Variants in EIPR1 observed in about 807,000 individuals in gnomAD.
EIPR1 encodes the protein EARP complex and GARP complex interacting protein 1, also known as EARP and GARP complex-interacting protein 1.
Under a neutral mutation model 48.1 loss-of-function variants are expected in EIPR1, and 25 were observed. The observed-to-expected ratio is 0.52, with a 90% CI of 0.38 to 0.73. The LOEUF (loss-of-function observed/expected upper bound fraction) is 0.73. Among genes scored for constraint, EIPR1 ranks in the 30% least tolerant of loss-of-function variants. The pLI, the probability that EIPR1 is intolerant of heterozygous loss-of-function variation, is 0.00. For synonymous variants in EIPR1, 204 were observed against 201.9 expected (o/e 1.01, Z -0.09); for missense variants, 415 against 506.2 (o/e 0.82, Z 1.73).
At chr2:3,355,436 G>A (rs1670698680) in intron 1 of EIPR1, among the ~76,000 whole-genome samples, 1 of 152,216 alleles carries the variant, frequency 6.6e-6, no homozygotes, top group South Asian at 2.1e-4. Flanking sequence ...CCTCCTGCCA[G>A]AAGTCAGTCC....
chr2:3,369,866 CAGCTTTGAAGAG>C (rs1671068458), intron 1 of EIPR1, among the ~76,000 whole-genome samples: 2 of 152,174 alleles, frequency 1.3e-5, no homozygotes. Flanking sequence ...CCCTGTCTGA[CAGCTTTGAAGAG>C]AGCAGTGGTT....
chr2:3,257,231 T>G, intron 4 of EIPR1, 68 bp downstream of exon 4: 2 of 1,512,628 alleles, frequency 1.3e-6, no homozygotes, highest in Non-Finnish European at 8.9e-7. Flanking sequence ...CAAAGGAATC[T>G]GCACAAGCTC....
At chr2:3,311,947 C>G (rs1013963705) in intron 3 of EIPR1, among the ~76,000 whole-genome samples, 2 of 152,218 alleles carry the variant, frequency 1.3e-5, no homozygotes, top group Non-Finnish European at 2.9e-5. Flanking sequence ...CTGCGGGAAC[C>G]TGGACCTGGC....
chr2:3,343,327 T>C (rs138371239), intron 2 of EIPR1, among the ~76,000 whole-genome samples: 80 of 152,110 alleles, frequency 5.3e-4, no homozygotes, highest in Non-Finnish European at 9.4e-4. Context: ...TTTTGTTGAA[T>C]AAACATACGC....
chr2:3,355,405 C>T (rs1411450238), intron 1 of EIPR1, among the ~76,000 whole-genome samples: 2 of 152,220 alleles, frequency 1.3e-5, no homozygotes, highest in Non-Finnish European at 2.9e-5. Flanking sequence ...TGGAGCAGGC[C>T]AGTGCTCTTA....
chr2:3,298,538 C>T (rs1481246637), intron 3 of EIPR1: 1 of 151,948 alleles, frequency 6.6e-6, no homozygotes, highest in Admixed American at 6.6e-5. Context: ...CTTACGATCT[C>T]GATGGTGTTG....
intron 1 of EIPR1, among the ~76,000 whole-genome samples, chr2:3,372,109 G>A (rs1334334484): frequency 6.6e-6 from 1 of 151,192 alleles, no homozygotes; most frequent in African/African-American, 2.4e-5. Context: ...CATGGAAACT[G>A]AACAACCTGC....
At chr2:3,295,964 CCT>C (rs1481555778) in intron 3 of EIPR1, among the ~76,000 whole-genome samples, 16 of 124,532 alleles carry the variant, frequency 1.3e-4, no homozygotes, top group Admixed American at 4.0e-4. Flanking sequence ...TCCAGCCCAT[CCT>C]CTCTCTGCAC....
At chr2:3,289,147 G>C (rs140275298) in intron 3 of EIPR1, among the ~76,000 whole-genome samples, 1 of 152,200 alleles carries the variant, frequency 6.6e-6, no homozygotes, top group Non-Finnish European at 1.5e-5. Flanking sequence ...GGAGACAAGC[G>C]AGGATTTGTT....
At position 3,197,930 on chromosome 2, in the gene EIPR1, C is replaced by G. The variant is rs544303376; in HGVS notation, c.517-913G>C. On this transcript the variant is annotated intron_variant, in intron 5 of 8. Transcript: ENST00000382125. ...CAGGCTGAGGGCAGGTCCAAACGAG[C>G]TGCTAGACAGGCCGTGAGAGGCCCA... 1.3e-3 allele frequency among the ~76,000 whole-genome samples: 202 copies of G among 152,326 alleles called. 1 individual carries two copies. Among genetic ancestry groups the G allele is most frequent in the African/African-American group, 4.6e-3 (190 of 41,572 alleles).
At chr2:3,347,164 T>C (rs898280621) in intron 2 of EIPR1, among the ~76,000 whole-genome samples, 2 of 152,136 alleles carry the variant, frequency 1.3e-5, no homozygotes, top group Non-Finnish European at 2.9e-5. Context: ...CCATGCTTCC[T>C]GTATGGCCTG....
intron 2 of EIPR1, among the ~76,000 whole-genome samples, chr2:3,350,225 G>A (rs1239711549): frequency 2.6e-5 from 4 of 151,870 alleles, no homozygotes. Context: ...GACATGGCTG[G>A]AGAGGCCTAA....
chr2:3,249,195 T>A (rs1384373830), intron 4 of EIPR1, among the ~76,000 whole-genome samples: 1 of 152,150 alleles, frequency 6.6e-6, no homozygotes, highest in Admixed American at 6.5e-5. Context: ...TATTGAGTGA[T>A]TGTAGCCAAA....
chr2:3,324,834 AC>A (rs35092148), intron 3 of EIPR1, among the ~76,000 whole-genome samples: 26,303 of 152,096 alleles, frequency 0.17, 2,468 homozygotes, highest in Non-Finnish European at 0.21. Context: ...CGCCTCCAGC[AC>A]CTCGGGGGGA....
At chr2:3,266,899 G>A (rs546239203) in intron 3 of EIPR1, among the ~76,000 whole-genome samples, 98 of 152,360 alleles carry the variant, frequency 6.4e-4, no homozygotes, top group African/African-American at 2.1e-3. Context: ...GCAGAGGCGT[G>A]GCCTCTCTCG....
At chr2:3,300,170 T>G (rs960832251) in intron 3 of EIPR1, among the ~76,000 whole-genome samples, 1 of 152,238 alleles carries the variant, frequency 6.6e-6, no homozygotes, top group Non-Finnish European at 1.5e-5. Flanking sequence ...ACAAGACTTT[T>G]AACCTCCCAG....
chr2:3,377,777 A>C lies in EIPR1; in HGVS notation c.-88T>G. 1.1e-5 allele frequency: 16 copies of C among 1,471,324 alleles called. No homozygotes were observed. Among genetic ancestry groups the C allele is most frequent in the African/African-American group, 1.4e-5 (1 of 71,472 alleles). The allele number at this position is 1,471,324 out of a possible 1,614,324, so 91.1% of individuals were successfully genotyped here. A position where few individuals can be genotyped will look rare whatever the true frequency, so the allele number is the denominator to read the frequency against. The stretch of plus-strand genomic sequence containing the variant: ...GTCCCCACCTCGCGGGCGTGTTCCC[A>C]GCGCCCATTCATTCCCTCCCCGCAG... On this transcript the variant is annotated 5_prime_UTR_variant, in exon 1 of 9. Transcript: ENST00000382125.
intron 2 of EIPR1, among the ~76,000 whole-genome samples, chr2:3,342,983 T>C (rs755490396): frequency 6.6e-6 from 1 of 152,252 alleles, no homozygotes; most frequent in Non-Finnish European, 1.5e-5. Context: ...CCAGGCACTA[T>C]GTGAAGTATT....
At chr2:3,212,324 G>A (rs557197283) in intron 5 of EIPR1, among the ~76,000 whole-genome samples, 1 of 152,328 alleles carries the variant, frequency 6.6e-6, no homozygotes, top group African/African-American at 2.4e-5. Flanking sequence ...ATCCTAACGT[G>A]TGGGGTCTCC....
Sources: allele counts gnomAD v4.1 joint callset (sites outside exome capture counted in the v4.1 genomes callset), GRCh38; gene constraint gnomAD v4.1.1; transcripts MANE v1.5; gene names NCBI Gene and HGNC (gene_info 2026-07-23, HGNC 2026-07-21).